Variants in ZFPM2 observed in about 807,000 individuals in gnomAD.
ZFPM2 encodes the protein zinc finger protein, FOG family member 2.
Under a neutral mutation model 98.6 loss-of-function variants are expected in ZFPM2, and 20 were observed. That is an observed-to-expected ratio of 0.20 (90% CI 0.14 to 0.29). The LOEUF is 0.29. ZFPM2 is among the 10% of genes least tolerant of loss of function. The probability of loss-of-function intolerance (pLI) is 1.00; values close to 1 mark genes in which losing one functional copy is unlikely to be tolerated. For synonymous variants in ZFPM2, 518 were observed against 502.7 expected, an observed-to-expected ratio of 1.03 and a Z score of -0.41; for missense variants, 1,310 against 1,388.6, an observed-to-expected ratio of 0.94 and a Z score of 0.90.
rs570808334 is a variant in ZFPM2, at chr8:105,658,342, A to G, written c.532+23985A>G. On this transcript the variant is annotated intron_variant, in intron 5 of 7. Coordinates refer to ENST00000407775, the MANE Select transcript of ZFPM2 (RefSeq NM_012082.4). ...GGTGGCTCACGCCTGTAATCCCAGC[A>G]CTTTGGGAGGCCGAGGCGGGTGGAT... Among the ~76,000 whole-genome samples the G allele has an allele frequency of 1.1e-3, 48 of 42,136 alleles. 11 individuals are homozygous for G. Among genetic ancestry groups the G allele is most frequent in the Non-Finnish European group, 1.7e-3 (35 of 21,108 alleles). 27.6% of individuals were successfully genotyped at this position (42,136 alleles called of 152,430 possible).
intron 1 of ZFPM2, among the ~76,000 whole-genome samples, chr8:105,379,171 C>G (rs1195232982): frequency 6.6e-6 from 1 of 151,994 alleles, no homozygotes; most frequent in Non-Finnish European, 1.5e-5. Flanking sequence ...TTGTTAATTT[C>G]TACATTTGGC....
intron 2 of ZFPM2, among the ~76,000 whole-genome samples, chr8:105,421,203 T>G (rs1811785368): frequency 6.6e-6 from 1 of 152,054 alleles, no homozygotes; most frequent in South Asian, 2.1e-4. Context: ...AAACATTAAA[T>G]TACAATTGTT....
At chr8:105,453,923 A>G (rs561762936) in intron 3 of ZFPM2, among the ~76,000 whole-genome samples, 1 of 152,236 alleles carries the variant, frequency 6.6e-6, no homozygotes, top group East Asian at 1.9e-4. Context: ...TTCAGAAATC[A>G]TGTCATTTCA....
At chr8:105,542,594 G>T (rs1370093139) in intron 3 of ZFPM2, among the ~76,000 whole-genome samples, 1 of 152,102 alleles carries the variant, frequency 6.6e-6, no homozygotes, top group Non-Finnish European at 1.5e-5. Context: ...GCGTTCATGG[G>T]CTAGCTGACT....
intron 4 of ZFPM2, among the ~76,000 whole-genome samples, chr8:105,574,678 T>C (rs1210582164): frequency 6.6e-6 from 1 of 151,958 alleles, no homozygotes; most frequent in Non-Finnish European, 1.5e-5. Context: ...TTTTAGCTTT[T>C]ATTAAGAAGT....
chr8:105,458,746 A>G (rs1445687727), intron 3 of ZFPM2, among the ~76,000 whole-genome samples: 3 of 152,168 alleles, frequency 2.0e-5, no homozygotes, highest in Non-Finnish European at 4.4e-5. Context: ...AAGCCAAAAG[A>G]AAAGAAAAAA....
intron 1 of ZFPM2, among the ~76,000 whole-genome samples, chr8:105,347,826 CATATT>C (rs1387509791): frequency 2.6e-5 from 4 of 152,124 alleles, no homozygotes; most frequent in African/African-American, 7.2e-5. Context: ...ATTAGAGAAA[CATATT>C]ATAGCCGTTG....
chr8:105,393,849 C>A (rs1811166142), intron 1 of ZFPM2, among the ~76,000 whole-genome samples: 1 of 151,508 alleles, frequency 6.6e-6, no homozygotes, highest in Non-Finnish European at 1.5e-5. Context: ...TGGGAAGTTA[C>A]CAATTTGACT....
chr8:105,739,194 C>T (rs756661981), intron 5 of ZFPM2, among the ~76,000 whole-genome samples: 6 of 151,948 alleles, frequency 3.9e-5, no homozygotes, highest in Non-Finnish European at 8.8e-5. Flanking sequence ...GTTCTCTGAC[C>T]TTAGTTTAAT....
At chr8:105,415,285 A>G (rs563550217) in intron 1 of ZFPM2, among the ~76,000 whole-genome samples, 3 of 152,170 alleles carry the variant, frequency 2.0e-5, no homozygotes, top group South Asian at 2.1e-4. Context: ...TGAGGATGTA[A>G]AACTAATCAC....
At chr8:105,766,709 G>C (rs1365877369) in intron 5 of ZFPM2, among the ~76,000 whole-genome samples, 10 of 151,856 alleles carry the variant, frequency 6.6e-5, no homozygotes, top group Admixed American at 2.6e-4. Flanking sequence ...CCAGGATTTT[G>C]AGAAGATAAT....
chr8:105,417,535 CATT>C (rs1245908389), intron 1 of ZFPM2, among the ~76,000 whole-genome samples: 8 of 151,926 alleles, frequency 5.3e-5, no homozygotes, highest in Non-Finnish European at 1.5e-5. Flanking sequence ...TTATAGTTCT[CATT>C]AGACTTAGCA....
At chr8:105,600,094 G>A (rs1054497356) in intron 4 of ZFPM2, among the ~76,000 whole-genome samples, 2 of 152,032 alleles carry the variant, frequency 1.3e-5, no homozygotes, top group Non-Finnish European at 2.9e-5. Context: ...CTGCTGAGCC[G>A]ACCACAATGT....
At chr8:105,381,238 C>T (rs1810882976) in intron 1 of ZFPM2, among the ~76,000 whole-genome samples, 1 of 151,398 alleles carries the variant, frequency 6.6e-6, no homozygotes, top group African/African-American at 2.4e-5. Flanking sequence ...CATCCTTGTC[C>T]CTGGATGAAG....
At chr8:105,435,829 C>T (rs924290838) in intron 2 of ZFPM2, among the ~76,000 whole-genome samples, 64 of 152,040 alleles carry the variant, frequency 4.2e-4, no homozygotes, top group African/African-American at 1.3e-3. Flanking sequence ...AAAAGTAATT[C>T]GAAGATTTCA....
intron 4 of ZFPM2, among the ~76,000 whole-genome samples, chr8:105,591,386 G>A (rs1331468194): frequency 1.3e-5 from 2 of 151,864 alleles, no homozygotes; most frequent in Admixed American, 6.6e-5. Flanking sequence ...TTGGATATAG[G>A]GTCTAATTGT....
At chr8:105,560,784 A>C (rs1399292440) in intron 3 of ZFPM2, among the ~76,000 whole-genome samples, 1 of 152,142 alleles carries the variant, frequency 6.6e-6, no homozygotes, top group African/African-American at 2.4e-5. Flanking sequence ...TTTCTAAAGT[A>C]TTTTTTTGGT....
intron 4 of ZFPM2, among the ~76,000 whole-genome samples, chr8:105,580,804 T>TCA (rs1815574636): frequency 1.3e-5 from 1 of 77,080 alleles, no homozygotes; most frequent in South Asian, 4.6e-4. Flanking sequence ...CATCATTCTC[T>TCA]CTCTCTCTCT....
intron 1 of ZFPM2, chr8:105,387,365 G>GC (rs1451304564): frequency 6.2e-6 from 1 of 162,340 alleles, no homozygotes; most frequent in Non-Finnish European, 1.4e-5. Context: ...ATGGGACTGG[G>GC]CGCCGTAGAG....
Sources: gnomAD v4.1 joint callset for allele counts (sites outside exome capture counted in the v4.1 genomes callset) on GRCh38, gnomAD v4.1.1 for gene constraint, MANE v1.5 for transcripts, NCBI Gene and HGNC (gene_info 2026-07-23, HGNC 2026-07-21) for gene names.